The following LAPTM4B variants were observed in gnomAD, a reference collection of about 807,000 sequenced individuals.
LAPTM4B encodes the protein lysosomal-associated transmembrane protein 4B.
Under a neutral mutation model 28.5 loss-of-function variants are expected in LAPTM4B, and 26 were observed. The observed-to-expected ratio is 0.91, with a 90% CI of 0.67 to 1.27. The LOEUF (loss-of-function observed/expected upper bound fraction) is 1.27. Among genes scored for constraint, LAPTM4B ranks in the 50% most tolerant of loss-of-function variants. LAPTM4B has a pLI of 0.00. For missense variants in LAPTM4B, 288 were observed against 285.8 expected (o/e 1.01, Z -0.06); for synonymous variants, 109 against 106.4 (o/e 1.02, Z -0.15).
intron 1 of LAPTM4B, among the ~76,000 whole-genome samples, chr8:97,800,874 G>C (rs529069100): frequency 6.6e-6 from 1 of 152,206 alleles, no homozygotes; most frequent in South Asian, 2.1e-4. Flanking sequence ...GACTTCGGGA[G>C]GCCGGGGCAG....
intron 6 of LAPTM4B, among the ~76,000 whole-genome samples, chr8:97,842,238 AT>A (rs201727125): frequency 2.6e-5 from 4 of 151,702 alleles, no homozygotes; most frequent in South Asian, 4.2e-4. Flanking sequence ...TTTCTTTTGA[AT>A]TTTTTTTTCC....
chr8:97,830,554 G>A (rs1817168103), intron 6 of LAPTM4B, among the ~76,000 whole-genome samples: 4 of 152,166 alleles, frequency 2.6e-5, no homozygotes, highest in Non-Finnish European at 5.9e-5. Context: ...GATACAAAGG[G>A]CTGTTGTTCT....
chr8:97,841,629 T>C (rs952057111), intron 6 of LAPTM4B, among the ~76,000 whole-genome samples: 2 of 152,192 alleles, frequency 1.3e-5, no homozygotes, highest in African/African-American at 4.8e-5. Flanking sequence ...CGACCAGATA[T>C]CTTAAAGATA....
chr8:97,814,208 A>C (rs1406829046), intron 2 of LAPTM4B, among the ~76,000 whole-genome samples: 1 of 152,138 alleles, frequency 6.6e-6, no homozygotes, highest in Non-Finnish European at 1.5e-5. Context: ...GAGATTGACT[A>C]AAGGAAAAAA....
In LAPTM4B at chr8:97,851,406, C is replaced by G; in HGVS notation, c.613C>G (p.Pro205Ala). The change falls in exon 7 of 7, where the codon CCC becomes GCC. Residue 205 changes from proline (P) to alanine (A), a missense_variant. By Grantham distance (27) the Pro-to-Ala change is conservative. Transcript: ENST00000521545. ...VTSNDTTVLLPPYDDATVNGA... is the reference protein window; with the variant it reads ...VTSNDTTVLLAPYDDATVNGA... ...CCCTCTTTCTTCTCAGGTGCTGCTA[C>G]CCCCGTATGATGATGCCACTGTGAA... 1 of 1,613,828 alleles carries G rather than the reference C, an allele frequency of 6.2e-7. No homozygotes were observed. Among genetic ancestry groups the G allele is most frequent in the Non-Finnish European group, 8.5e-7 (1 of 1,179,730 alleles).
chr8:97,811,662 CT>C (rs1161356666), intron 2 of LAPTM4B, among the ~76,000 whole-genome samples: 3 of 152,158 alleles, frequency 2.0e-5, no homozygotes, highest in African/African-American at 7.2e-5. Context: ...CCTACCTGCC[CT>C]CTTCACATAC....
Position 97,851,707 on chromosome 8 carries a change from T to A in LAPTM4B, c.*233T>A. 1 of 543,350 alleles carries A rather than the reference T, an allele frequency of 1.8e-6. No individual in the cohort carries two copies. The highest frequency in any genetic ancestry group is 3.3e-6 in the Non-Finnish European group (1 of 306,006). 33.7% of individuals were successfully genotyped at this position (543,350 alleles called of 1,614,324 possible). On this transcript the variant is annotated 3_prime_UTR_variant, in exon 7 of 7. Coordinates refer to ENST00000521545, the MANE Select transcript of LAPTM4B (RefSeq NM_018407.6). ...CTGTACGATTGGGGATATAATGGGC[T>A]TCACTAACCTTCCCTAGGCATTGAA...
Position 97,776,179 on chromosome 8 carries a change from T to C in LAPTM4B, c.99+71T>C, listed in dbSNP as rs557911591. 2.1e-3 allele frequency: 3,012 copies of C among 1,454,242 alleles called. 9 individuals carry two copies. The highest frequency in any genetic ancestry group is 2.4e-3 in the Non-Finnish European group (2,672 of 1,101,848). 90.1% of individuals were successfully genotyped at this position (1,454,242 alleles called of 1,614,324 possible). On this transcript the variant is annotated intron_variant, in intron 1 of 6. Coordinates refer to ENST00000521545, the MANE Select transcript of LAPTM4B (RefSeq NM_018407.6). ...CCCTAGCTGGGCTTCTGGCCCGGCCTCGCGGTGGGGTGAGGCGTGCGCTCA... is the reference window on the plus strand; with the variant it reads ...CCCTAGCTGGGCTTCTGGCCCGGCCCCGCGGTGGGGTGAGGCGTGCGCTCA...
At chr8:97,837,037 A>G (rs17827519) in intron 6 of LAPTM4B, among the ~76,000 whole-genome samples, 59,612 of 151,798 alleles carry the variant, frequency 0.39, 12,307 homozygotes, top group Non-Finnish European at 0.46. Flanking sequence ...TTCTCTTTGA[A>G]GCACCTGAGA....
intron 5 of LAPTM4B, among the ~76,000 whole-genome samples, chr8:97,820,872 G>A: frequency 6.6e-6 from 1 of 151,942 alleles, no homozygotes; most frequent in Non-Finnish European, 1.5e-5. Flanking sequence ...GGGACTACAG[G>A]CGCCTGTTAC....
intron 6 of LAPTM4B, among the ~76,000 whole-genome samples, chr8:97,830,384 G>A (rs184696735): frequency 6.6e-6 from 1 of 152,282 alleles, no homozygotes; most frequent in African/African-American, 2.4e-5. Context: ...CACCTTGAGG[G>A]TGAGACCAGG....
At chr8:97,777,464 T>C (rs1295279025) in intron 1 of LAPTM4B, among the ~76,000 whole-genome samples, 1 of 152,068 alleles carries the variant, frequency 6.6e-6, no homozygotes, top group African/African-American at 2.4e-5. Flanking sequence ...AAAATTCTTA[T>C]CTCTTTAATG....
chr8:97,812,174 T>C (rs1816839060), intron 2 of LAPTM4B, among the ~76,000 whole-genome samples: 1 of 151,592 alleles, frequency 6.6e-6, no homozygotes, highest in Non-Finnish European at 1.5e-5. Context: ...ACATCTTGAC[T>C]TTTTTTTAAA....
chr8:97,794,281 A>G (rs1816548810), intron 1 of LAPTM4B, among the ~76,000 whole-genome samples: 1 of 152,090 alleles, frequency 6.6e-6, no homozygotes, highest in Non-Finnish European at 1.5e-5. Flanking sequence ...CACCCGGCCC[A>G]AACCTAGCTA....
intron 6 of LAPTM4B, among the ~76,000 whole-genome samples, chr8:97,834,279 A>G (rs1421415544): frequency 6.6e-6 from 1 of 152,104 alleles, no homozygotes; most frequent in Non-Finnish European, 1.5e-5. Context: ...ACTCCAGCCT[A>G]GGTGACACAG....
At chr8:97,807,374 C>T (rs1008717529) in intron 2 of LAPTM4B, among the ~76,000 whole-genome samples, 1 of 152,172 alleles carries the variant, frequency 6.6e-6, no homozygotes, top group African/African-American at 2.4e-5. Context: ...AGTTCAAGAC[C>T]AGCCTGGTCA....
At chr8:97,783,224 C>T (rs1163514746) in intron 1 of LAPTM4B, among the ~76,000 whole-genome samples, 1 of 151,920 alleles carries the variant, frequency 6.6e-6, no homozygotes, top group Non-Finnish European at 1.5e-5. Context: ...GTCAGAGTAG[C>T]TGCTTCATTG....
Position 97,798,564 on chromosome 8 carries a change from G to C in LAPTM4B, c.100-6789G>C, listed in dbSNP as rs2245044. Among the ~76,000 whole-genome samples, 1,047 of 151,960 alleles carry C rather than the reference G, an allele frequency of 6.9e-3. 11 individuals carry two copies. Among genetic ancestry groups the C allele is most frequent in the Non-Finnish European group, 9.2e-3 (626 of 67,964 alleles). On this transcript the variant is annotated intron_variant, in intron 1 of 6. Transcript: ENST00000521545. ...CACCTGGACAGGGACTTGGTCCCCC[G>C]AGAGAAAGAACACAGGGCTAGAGGT... is the stretch of plus-strand genomic sequence containing the variant.
chr8:97,799,485 A>G (rs1816638921), intron 1 of LAPTM4B, among the ~76,000 whole-genome samples: 1 of 152,202 alleles, frequency 6.6e-6, no homozygotes, highest in Non-Finnish European at 1.5e-5. Flanking sequence ...TACAAAAATA[A>G]CATGGTTAGC....
Sources: allele counts gnomAD v4.1 joint callset (sites outside exome capture counted in the v4.1 genomes callset), GRCh38; gene constraint gnomAD v4.1.1; transcripts MANE v1.5; gene names NCBI Gene and HGNC (gene_info 2026-07-23, HGNC 2026-07-21).